Variants in XKR4 observed in about 807,000 individuals in gnomAD.
XKR4 encodes XK-related protein 4.
XKR4 carries 12 observed loss-of-function variants against 53.9 expected under a neutral mutation model. The observed-to-expected ratio is 0.22, with a 90% CI of 0.14 to 0.36. The LOEUF (loss-of-function observed/expected upper bound fraction) is 0.36, where lower values mean the gene tolerates loss of function less well. Among genes scored for constraint, XKR4 ranks in the 10% least tolerant of loss-of-function variants. The pLI is 1.00. For synonymous variants in XKR4, 354 were observed against 362.4 expected (o/e 0.98, Z 0.26); for missense variants, 799 against 859.5 (o/e 0.93, Z 0.88).
intron 2 of XKR4, among the ~76,000 whole-genome samples, chr8:55,489,439 A>G (rs1418132777): frequency 1.3e-5 from 2 of 152,190 alleles, no homozygotes; most frequent in Non-Finnish European, 2.9e-5. Context: ...CAATAGTTAC[A>G]ACAAAAACAT....
chr8:55,182,946 T>C (rs921710196), intron 1 of XKR4, among the ~76,000 whole-genome samples: 1 of 152,050 alleles, frequency 6.6e-6, no homozygotes, highest in Non-Finnish European at 1.5e-5. Context: ...TCTCTCTCCA[T>C]TTATTTGTCT....
At chr8:55,311,921 T>G (rs1819395696) in intron 1 of XKR4, among the ~76,000 whole-genome samples, 1 of 151,360 alleles carries the variant, frequency 6.6e-6, no homozygotes. Context: ...AATAAAACCC[T>G]GGCTTCTCCT....
intron 2 of XKR4, among the ~76,000 whole-genome samples, chr8:55,386,863 ATCTT>A (rs1804325804): frequency 5.9e-5 from 9 of 152,230 alleles, no homozygotes; most frequent in Admixed American, 6.5e-5. Context: ...TTTATTATGT[ATCTT>A]AGTCCCTCAC....
intron 1 of XKR4, among the ~76,000 whole-genome samples, chr8:55,186,529 G>A (rs537455455): frequency 8.5e-5 from 13 of 152,116 alleles, no homozygotes; most frequent in Admixed American, 3.3e-4. Context: ...GGTGGCAGGC[G>A]CTTGTAGCCC....
chr8:55,424,630 G>C (rs1385355489), intron 2 of XKR4, among the ~76,000 whole-genome samples: 1 of 152,252 alleles, frequency 6.6e-6, no homozygotes, highest in African/African-American at 2.4e-5. Context: ...CCACACGTCA[G>C]TATCACAAAG....
chr8:55,219,839 T>A (rs1817857067), intron 1 of XKR4, among the ~76,000 whole-genome samples: 1 of 152,214 alleles, frequency 6.6e-6, no homozygotes, highest in Non-Finnish European at 1.5e-5. Flanking sequence ...TTCTGTTTTA[T>A]GGGAGCTTTA....
At chr8:55,120,354 G>A (rs1157799827) in intron 1 of XKR4, among the ~76,000 whole-genome samples, 1 of 152,064 alleles carries the variant, frequency 6.6e-6, no homozygotes, top group Non-Finnish European at 1.5e-5. Context: ...ATGAACTTCT[G>A]TTTGTTTTAT....
At position 55,522,468 on chromosome 8, in the gene XKR4, T is replaced by C. The variant is rs186502545; in HGVS notation, c.1007-813T>C. Among the ~76,000 whole-genome samples, 111 of 152,338 alleles carry C rather than the reference T, an allele frequency of 7.3e-4. 1 individual carries two copies. Among genetic ancestry groups the C allele is most frequent in the African/African-American group, 2.6e-3 (107 of 41,572 alleles). Reference sequence around the variant, plus strand: ...GTATCACAAGAAACATTGCCAAGGATGTTGTACACACACCTTTTATTTTTA... The same window carrying C: ...GTATCACAAGAAACATTGCCAAGGACGTTGTACACACACCTTTTATTTTTA... On this transcript the variant is annotated intron_variant, in intron 2 of 2. Coordinates refer to ENST00000327381, the MANE Select transcript of XKR4 (RefSeq NM_052898.2).
At chr8:55,211,074 C>T (rs1472737790) in intron 1 of XKR4, among the ~76,000 whole-genome samples, 1 of 152,172 alleles carries the variant, frequency 6.6e-6, no homozygotes, top group Non-Finnish European at 1.5e-5. Context: ...TCTGTGCCTG[C>T]AACTTGATTT....
At chr8:55,104,697 C>T (rs1389277342) in intron 1 of XKR4, among the ~76,000 whole-genome samples, 2 of 151,570 alleles carry the variant, frequency 1.3e-5, no homozygotes, top group Non-Finnish European at 2.9e-5. Flanking sequence ...CAAGCACACA[C>T]TTTCTGAAAA....
intron 1 of XKR4, among the ~76,000 whole-genome samples, chr8:55,345,599 T>C (rs1385423392): frequency 6.6e-6 from 1 of 152,192 alleles, no homozygotes; most frequent in Non-Finnish European, 1.5e-5. Context: ...TAAAGTGTGC[T>C]TAAAAAGGAA....
intron 1 of XKR4, among the ~76,000 whole-genome samples, chr8:55,232,002 T>C (rs1298168876): frequency 6.6e-6 from 1 of 152,218 alleles, no homozygotes; most frequent in Non-Finnish European, 1.5e-5. Flanking sequence ...TAAACACTTC[T>C]TTGATATTGA....
chr8:55,118,521 A>G (rs1204289727), intron 1 of XKR4, among the ~76,000 whole-genome samples: 3 of 152,210 alleles, frequency 2.0e-5, no homozygotes, highest in African/African-American at 7.2e-5. Flanking sequence ...CAGAGGACCA[A>G]CTCTAACAGT....
intron 2 of XKR4, among the ~76,000 whole-genome samples, chr8:55,474,955 T>C (rs1805956558): frequency 6.6e-6 from 1 of 152,158 alleles, no homozygotes; most frequent in Non-Finnish European, 1.5e-5. Context: ...TGTTCCAGAA[T>C]ATTAAAGAAA....
At chr8:55,431,552 G>A (rs1805104810) in intron 2 of XKR4, among the ~76,000 whole-genome samples, 1 of 152,140 alleles carries the variant, frequency 6.6e-6, no homozygotes, top group Admixed American at 6.5e-5. Flanking sequence ...CTAGTAATTT[G>A]AGCATCAAAT....
chr8:55,396,633 T>TC (rs1804523176), intron 2 of XKR4, among the ~76,000 whole-genome samples: 1 of 152,134 alleles, frequency 6.6e-6, no homozygotes, highest in Non-Finnish European at 1.5e-5. Context: ...CATTTCTCAC[T>TC]CCTGGATATT....
chr8:55,163,936 T>A (rs1369318158), intron 1 of XKR4, among the ~76,000 whole-genome samples: 1 of 152,230 alleles, frequency 6.6e-6, no homozygotes, highest in East Asian at 1.9e-4. Context: ...CTCTTTAAAC[T>A]AGAATGGGAA....
At chr8:55,451,506 G>A in intron 2 of XKR4, 8 of 1,058,838 alleles carry the variant, frequency 7.6e-6, no homozygotes, top group South Asian at 1.4e-5. Flanking sequence ...GAGAAGGTGC[G>A]TTCTGGGCCT....
chr8:55,104,700 T>C (rs1312912004), intron 1 of XKR4, among the ~76,000 whole-genome samples: 1 of 151,468 alleles, frequency 6.6e-6, no homozygotes, highest in African/African-American at 2.4e-5. Flanking sequence ...GCACACACTT[T>C]CTGAAAAAGT....
Sources: allele counts gnomAD v4.1 joint callset (sites outside exome capture counted in the v4.1 genomes callset), GRCh38; gene constraint gnomAD v4.1.1; transcripts MANE v1.5; gene names NCBI Gene and HGNC (gene_info 2026-07-23, HGNC 2026-07-21).